The following VPS13B variants were observed in gnomAD, a reference collection of about 807,000 sequenced individuals.
VPS13B encodes intermembrane lipid transfer protein VPS13B.
Under a neutral mutation model 426.4 loss-of-function variants are expected in VPS13B, and 285 were observed. The ratio of observed to expected loss-of-function variants is 0.67; its 90% CI spans 0.61 to 0.74. VPS13B has a LOEUF of 0.74. VPS13B is among the 30% of genes least tolerant of loss of function. VPS13B has a pLI of 0.00. For missense variants in VPS13B, 4,537 were observed against 4,782.6 expected, an observed-to-expected ratio of 0.95 and a Z score of 1.51; for synonymous variants, 1,676 against 1,676.4, an observed-to-expected ratio of 1.00 and a Z score of 0.01.
At chr8:99,418,714 A>G (rs1021603489) in intron 21 of VPS13B, among the ~76,000 whole-genome samples, 3 of 152,042 alleles carry the variant, frequency 2.0e-5, no homozygotes, top group Non-Finnish European at 4.4e-5. Flanking sequence ...ATGCATGGCT[A>G]ATAACACTTT....
At chr8:99,089,755 T>G (rs1364306201) in intron 3 of VPS13B, among the ~76,000 whole-genome samples, 1 of 152,200 alleles carries the variant, frequency 6.6e-6, no homozygotes, top group Non-Finnish European at 1.5e-5. Flanking sequence ...GACTCTTAGT[T>G]AATTCTCTCC....
rs750245978 is a variant in VPS13B, at chr8:99,859,491, C to T, written c.11044+11C>T. The T allele has an allele frequency of 6.2e-7, 1 of 1,612,528 alleles. No individual in the cohort carries two copies. Among genetic ancestry groups the T allele is most frequent in the Admixed American group, 1.7e-5 (1 of 59,946 alleles). On this transcript the variant is annotated intron_variant, in intron 57 of 61. Coordinates refer to ENST00000357162, the MANE Select transcript of VPS13B (RefSeq NM_152564.5). ...AGCACATCTCCAAAGGTAGCGGGTTCCGTTCCTTGTAATAATGCCTTCACT... is the reference window on the plus strand; with the variant it reads ...AGCACATCTCCAAAGGTAGCGGGTTTCGTTCCTTGTAATAATGCCTTCACT...
At chr8:99,217,450 T>C (rs994945131) in intron 17 of VPS13B, among the ~76,000 whole-genome samples, 4 of 152,208 alleles carry the variant, frequency 2.6e-5, no homozygotes, top group African/African-American at 9.6e-5. Context: ...AGAGATAATT[T>C]ACTTTCAGAG....
At chr8:99,472,747 C>T (rs1242969085) in intron 24 of VPS13B, among the ~76,000 whole-genome samples, 1 of 151,812 alleles carries the variant, frequency 6.6e-6, no homozygotes, top group African/African-American at 2.4e-5. Context: ...TAAACTGATT[C>T]TTTTAAAAGA....
At chr8:99,401,045 T>C (rs1390961862) in intron 21 of VPS13B, among the ~76,000 whole-genome samples, 1 of 152,218 alleles carries the variant, frequency 6.6e-6, no homozygotes, top group African/African-American at 2.4e-5. Flanking sequence ...TTTAATTAAG[T>C]TTATTCCAAT....
intron 25 of VPS13B, among the ~76,000 whole-genome samples, chr8:99,490,718 GTTTGTATTTCTCT>G (rs977759336): frequency 1.3e-5 from 2 of 152,146 alleles, no homozygotes; most frequent in African/African-American, 4.8e-5. Context: ...TCTGATGGTA[GTTTGTATTTCTCT>G]GGGATCGGTG....
chr8:99,140,643 C>G (rs1473540292), intron 12 of VPS13B, among the ~76,000 whole-genome samples: 2 of 141,342 alleles, frequency 1.4e-5, no homozygotes, highest in Non-Finnish European at 3.1e-5. Context: ...TCCTCCCCCT[C>G]CTTGCCTTCC....
At chr8:99,367,729 GC>G (rs1170653161) in intron 19 of VPS13B, among the ~76,000 whole-genome samples, 3 of 152,084 alleles carry the variant, frequency 2.0e-5, no homozygotes, top group Non-Finnish European at 4.4e-5. Context: ...TTTTCAAATA[GC>G]CTGTCTTCAA....
intron 19 of VPS13B, among the ~76,000 whole-genome samples, chr8:99,336,475 C>T (rs1442772166): frequency 6.6e-6 from 1 of 152,134 alleles, no homozygotes; most frequent in East Asian, 1.9e-4. Flanking sequence ...ATGTCTAAAA[C>T]ACCAAAAGCA....
At chr8:99,504,340 A>C (rs531319862) in intron 27 of VPS13B, among the ~76,000 whole-genome samples, 2 of 152,202 alleles carry the variant, frequency 1.3e-5, no homozygotes, top group Non-Finnish European at 2.9e-5. Flanking sequence ...TCTTTCCTTT[A>C]TAAATTACCC....
At chr8:99,488,765 T>C (rs1258169113) in intron 25 of VPS13B, among the ~76,000 whole-genome samples, 1 of 152,194 alleles carries the variant, frequency 6.6e-6, no homozygotes, top group Non-Finnish European at 1.5e-5. Context: ...TTAAGTTCTT[T>C]GTAGATTCTG....
intron 19 of VPS13B, among the ~76,000 whole-genome samples, chr8:99,319,734 G>C (rs1160843824): frequency 6.6e-6 from 1 of 152,134 alleles, no homozygotes; most frequent in African/African-American, 2.4e-5. Flanking sequence ...CCTTGGATTT[G>C]ATTCTTGTTT....
Position 99,522,790 on chromosome 8 carries a change from A to G in VPS13B, c.4745+1780A>G, listed in dbSNP as rs1310515010. 2.6e-5 allele frequency among the ~76,000 whole-genome samples: 4 copies of G among 152,334 alleles called. No homozygotes were observed. In the East Asian group the frequency reaches 7.7e-4, roughly 29 times the overall value. ...TCACATTCAAGTCATTTCTACATAA[A>G]CAAACTAACAAAAGGTATTCATATA... On this transcript the variant is annotated intron_variant, in intron 30 of 61. Transcript: ENST00000357162.
intron 40 of VPS13B, among the ~76,000 whole-genome samples, chr8:99,767,185 G>T (rs1811267156): frequency 6.6e-6 from 1 of 151,852 alleles, no homozygotes; most frequent in Non-Finnish European, 1.5e-5. Flanking sequence ...ACAGCTCTGT[G>T]AGCCCTCACT....
At chr8:99,421,485 C>A (rs367767239) in intron 21 of VPS13B, among the ~76,000 whole-genome samples, 10 of 152,044 alleles carry the variant, frequency 6.6e-5, no homozygotes, top group African/African-American at 2.4e-4. Flanking sequence ...ATAGAAAAGG[C>A]AGCATAACAT....
intron 19 of VPS13B, among the ~76,000 whole-genome samples, chr8:99,285,683 T>G (rs1406285570): frequency 6.6e-6 from 1 of 152,170 alleles, no homozygotes; most frequent in East Asian, 1.9e-4. Flanking sequence ...AGCCTTGTGA[T>G]CCTGTGCAGA....
chr8:99,833,047 G>A (rs1476577032), intron 52 of VPS13B, among the ~76,000 whole-genome samples: 1 of 152,184 alleles, frequency 6.6e-6, no homozygotes. Flanking sequence ...ATATGAGCAA[G>A]TCAAGTTGGA....
Position 99,046,710 on chromosome 8 carries a change from A to G in VPS13B, c.291+8144A>G, listed in dbSNP as rs1217548928. ...TAGATGGCATTTATTACATTGAGGT[A>G]TGTTACTTGTATGCCAATTTTCCTG... On this transcript the variant is annotated intron_variant, in intron 3 of 61. Coordinates refer to ENST00000357162, the MANE Select transcript of VPS13B (RefSeq NM_152564.5). Among the ~76,000 whole-genome samples, 25 of 152,116 alleles carry G rather than the reference A, an allele frequency of 1.6e-4. 1 individual carries two copies. Among genetic ancestry groups the G allele is most frequent in the Admixed American group, 1.6e-3 (25 of 15,268 alleles).
chr8:99,863,847 T>C (rs979044584), intron 58 of VPS13B, among the ~76,000 whole-genome samples: 9 of 152,262 alleles, frequency 5.9e-5, no homozygotes, highest in East Asian at 5.8e-4. Context: ...TCCAGAAGAT[T>C]ATTAATTCTT....
Sources: allele counts gnomAD v4.1 joint callset (sites outside exome capture counted in the v4.1 genomes callset), GRCh38; gene constraint gnomAD v4.1.1; transcripts MANE v1.5; gene names NCBI Gene and HGNC (gene_info 2026-07-23, HGNC 2026-07-21).